The following JOSD2 variants were observed in gnomAD, a reference collection of about 807,000 sequenced individuals.
JOSD2 encodes the protein josephin-2.
JOSD2 carries 20 observed loss-of-function variants against 19.3 expected under a neutral mutation model. The ratio of observed to expected loss-of-function variants is 1.04; its 90% CI spans 0.73 to 1.51. JOSD2 has a LOEUF of 1.51. Among genes scored for constraint, JOSD2 ranks in the 40% most tolerant of loss-of-function variants. The pLI is 0.00. For missense variants in JOSD2, 215 were observed against 250.4 expected (o/e 0.86, Z 0.95); for synonymous variants, 118 against 123.7 (o/e 0.95, Z 0.31).
Position 50,506,418 on chromosome 19 carries a change from G to A in JOSD2, c.427C>T (p.Leu143=), listed in dbSNP as rs778786017. The change falls in exon 4 of 5, where the codon CTG becomes TTG. Residue 143 remains leucine (L), a synonymous_variant. Coordinates refer to ENST00000598418, the MANE Select transcript of JOSD2 (RefSeq NM_001270639.2). ...TCCCCCAGGGCCTCGGGCGCCCGCAGCTTGGAGTCCAGGTTGTAGTAGACA... is the reference window on the plus strand; with the variant it reads ...TCCCCCAGGGCCTCGGGCGCCCGCAACTTGGAGTCCAGGTTGTAGTAGACA... ...DGVYYNLDSK[L]RAPEALGDED... is the part of the protein sequence containing the mutation. 6.2e-7 allele frequency: 1 copy of A among 1,605,622 alleles called. No homozygotes were observed. Among genetic ancestry groups the A allele is most frequent in the Admixed American group, 1.7e-5 (1 of 58,946 alleles).
chr19:50,506,038 G>GAC lies in JOSD2; in HGVS notation c.*134_*135insGT. ...GATTTATTGAGGCAGCAGCGGCAGT[G>GAC]GGGAGCAGGGGTGTGGGGAGGGGGC... On this transcript the variant is annotated 3_prime_UTR_variant, in exon 5 of 5. Transcript: ENST00000598418. The GAC allele has an allele frequency of 1.3e-6, 1 of 746,852 alleles. No individual in the cohort carries two copies. Among genetic ancestry groups the GAC allele is most frequent in the Admixed American group, 3.0e-5 (1 of 33,880 alleles). The allele number at this position is 746,852 out of a possible 1,614,324, so 46.3% of individuals were successfully genotyped here.
rs562369717 is a variant in JOSD2 at position 50,506,585 on chromosome 19, G to C, written c.273-13C>G. 2.6e-5 allele frequency: 39 copies of C among 1,504,132 alleles called. No homozygotes were observed. The African/African-American group carries it at 5.3e-4, about 20-fold the overall frequency. 93.2% of individuals were successfully genotyped at this position (1,504,132 alleles called of 1,614,324 possible). The stretch of plus-strand genomic sequence containing the variant: ...CTGGGACAGGGGCCTGTGTGGGCAG[G>C]GAGGGGACACTGCCATCAGGGCCTG... On this transcript the variant is annotated splice_polypyrimidine_tract_variant and intron_variant, in intron 3 of 4. Coordinates refer to ENST00000598418, the MANE Select transcript of JOSD2 (RefSeq NM_001270639.2).
chr19:50,510,051 C>CAAA (rs139049930), intron 2 of JOSD2: 95 of 232,054 alleles, frequency 4.1e-4, no homozygotes, highest in East Asian at 9.3e-4. Context: ...GACTCAGTCT[C>CAAA]AAAAAAAAAA....
rs553214820 is a variant in JOSD2, at chr19:50,510,178, G to A, written c.146+108C>T. ...GCGTCTAGCTTAGGCAAGTGAGCGCGGAGCAGAAGAAAGCCCCCAAGGCTC... is the reference window on the plus strand; with the variant it reads ...GCGTCTAGCTTAGGCAAGTGAGCGCAGAGCAGAAGAAAGCCCCCAAGGCTC... On this transcript the variant is annotated intron_variant, in intron 2 of 4. Coordinates refer to ENST00000598418, the MANE Select transcript of JOSD2 (RefSeq NM_001270639.2). 115 of 1,347,162 alleles carry A rather than the reference G, an allele frequency of 8.5e-5. No individual in the cohort carries two copies. In the African/African-American group the frequency reaches 1.4e-3, roughly 17 times the overall value. 83.5% of individuals were successfully genotyped at this position (1,347,162 alleles called of 1,614,324 possible). A position where few individuals can be genotyped will look rare whatever the true frequency, so the allele number is the denominator to read the frequency against.
rs1979467298 is a variant in JOSD2, at chr19:50,507,699, C to A, written c.147G>T (p.Arg49Ser). Residue 49 changes from arginine to serine, a missense_variant and splice_region_variant, in exon 3 of 5, where the codon AGG becomes AGT. Arg to Ser is a moderately radical substitution (Grantham distance 110). Coordinates refer to ENST00000598418, the MANE Select transcript of JOSD2 (RefSeq NM_001270639.2). Reference protein sequence around the residue: ...SQEAADEICKRLAPDSRLNPH... With the variant: ...SQEAADEICKSLAPDSRLNPH... ...GGTTCAGCCGGGAGTCTGGGGCCAA[C>A]CTGGTAGTGGGGGTGGCCAGAGCTG... The A allele has an allele frequency of 6.2e-7, 1 of 1,610,110 alleles. No homozygotes were observed.
At position 50,510,477 on chromosome 19, in the gene JOSD2, C is replaced by T. The variant is rs754385982; in HGVS notation, c.-17-29G>A. On this transcript the variant is annotated intron_variant, in intron 1 of 4. Transcript: ENST00000598418. ...GGGGTTGGGAGGGGGAGAAGGTCCT[C>T]AGGGGCCCGGGATCTAGAGGTCCAG... is the stretch of plus-strand genomic sequence containing the variant. 5 of 1,563,728 alleles carry T rather than the reference C, an allele frequency of 3.2e-6. No individual in the cohort carries two copies. In the South Asian group the frequency reaches 3.4e-5, roughly 11 times the overall value.
chr19:50,507,732 G>C (rs1475032489), intron 2 of JOSD2, 33 bp from the exon 3 acceptor site: 2 of 1,594,600 alleles, frequency 1.3e-6, no homozygotes, highest in African/African-American at 1.3e-5. Context: ...CTGAGGTGGG[G>C]ACCCCTGGAA....
chr19:50,506,803 ACCCACCCACCCACCG>A (rs1979387826), intron 3 of JOSD2, among the ~76,000 whole-genome samples: 1 of 20,446 alleles, frequency 4.9e-5, no homozygotes, highest in Non-Finnish European at 1.1e-4. Context: ...CCCACCGTCC[ACCCACCCACCCACCG>A]TCCACCCAAC....
At chr19:50,510,126 A>G (rs1979680405) in intron 2 of JOSD2, 160 bp downstream of exon 2, 2 of 722,368 alleles carry the variant, frequency 2.8e-6, no homozygotes, top group Non-Finnish European at 4.5e-6. Context: ...AGACAGGCAC[A>G]GGAGGCAACA....
intron 2 of JOSD2, 38 bp from the exon 3 acceptor site, chr19:50,507,737 C>T (rs1183644647): frequency 6.3e-7 from 1 of 1,584,726 alleles, no homozygotes; most frequent in East Asian, 2.2e-5. Flanking sequence ...GTGGGGACCC[C>T]TGGAAAGGCC....
chr19:50,507,711 G>C lies in JOSD2; in HGVS notation c.147-12C>G, dbSNP rs1342796157. 1 of 1,608,236 alleles carries C rather than the reference G, an allele frequency of 6.2e-7. No individual in the cohort carries two copies. The highest frequency in any genetic ancestry group is 1.7e-5 in the Admixed American group (1 of 59,610). ...AGTCTGGGGCCAACCTGGTAGTGGG[G>C]GTGGCCAGAGCTGAGGTGGGGACCC... On this transcript the variant is annotated splice_polypyrimidine_tract_variant and intron_variant, in intron 2 of 4. Coordinates refer to ENST00000598418, the MANE Select transcript of JOSD2 (RefSeq NM_001270639.2).
intron 3 of JOSD2, 92 bp from the exon 4 acceptor site, chr19:50,506,664 T>C: frequency 8.2e-7 from 1 of 1,221,546 alleles, no homozygotes; most frequent in Non-Finnish European, 1.1e-6. Context: ...CTGGTGGTGG[T>C]GAGGGCCTCC....
At chr19:50,506,649 C>T in intron 3 of JOSD2, 77 bp from the exon 4 acceptor site, 1 of 1,363,754 alleles carries the variant, frequency 7.3e-7, no homozygotes. Flanking sequence ...CATGTGGGGC[C>T]CAGGCTGGTG....
rs1169569116 is a variant in JOSD2 at position 50,508,703 on chromosome 19, G to C, written c.147-1004C>G. Among the ~76,000 whole-genome samples, 6 of 69,878 alleles carry C rather than the reference G, an allele frequency of 8.6e-5. No homozygotes were observed. The South Asian group carries it at 2.1e-3, about 24-fold the overall frequency. The allele number at this position is 69,878 out of a possible 152,430, so 45.8% of individuals were successfully genotyped here. ...GGACATGGGAGGAAAACGCTCGTGT[G>C]TGTGTGTGTGTGTGTGTGTGTGTGT... On this transcript the variant is annotated intron_variant, in intron 2 of 4. Coordinates refer to ENST00000598418, the MANE Select transcript of JOSD2 (RefSeq NM_001270639.2).
Position 50,506,462 on chromosome 19 carries a change from G to A in JOSD2, c.383C>T (p.Ala128Val), listed in dbSNP as rs1278800517. The change falls in exon 4 of 5, where the codon GCC (alanine) becomes GTC (valine). Residue 128 changes from alanine (A) to valine (V), a missense_variant. Ala to Val is a moderately conservative substitution (Grantham distance 64). Transcript: ENST00000598418. ...SLPLRRRHWVALRQVDGVYYN... is the reference protein window; with the variant it reads ...SLPLRRRHWVVLRQVDGVYYN... ...GTAGACACCGTCCACCTGGCGCAGG[G>A]CCACCCAGTGCCGCCGGCGCAGCGG... 2.5e-6 allele frequency: 4 copies of A among 1,584,002 alleles called. No individual in the cohort carries two copies. Among genetic ancestry groups the A allele is most frequent in the Non-Finnish European group, 3.4e-6 (4 of 1,166,498 alleles).
chr19:50,509,820 G>A (rs1336559837), intron 2 of JOSD2, among the ~76,000 whole-genome samples: 6 of 151,898 alleles, frequency 4.0e-5, no homozygotes, highest in Non-Finnish European at 7.4e-5. Flanking sequence ...TTGGGAGGCC[G>A]AGGCGGGTGG....
At chr19:50,510,552 A>C in intron 1 of JOSD2, 104 bp from the exon 2 acceptor site, 1 of 1,140,252 alleles carries the variant, frequency 8.8e-7, no homozygotes, top group South Asian at 1.5e-5. Context: ...TGGGACTCGG[A>C]GCAGCCCAGG....
At position 50,510,301 on chromosome 19, in the gene JOSD2, T is replaced by C. The variant is rs1418048929; in HGVS notation, c.131A>G (p.Asp44Gly). The change falls in exon 2 of 5, where the codon GAT (aspartate) becomes GGT (glycine). Residue 44 changes from aspartate (D) to glycine (G), a missense_variant. Asp to Gly is a moderately conservative substitution (Grantham distance 94, BLOSUM62 -1). Transcript: ENST00000598418. ...QQQLFSQEAA[D>G]EICKRLAPDS... is the part of the protein sequence containing the mutation. ...TGACGGTCACCTCTTGCAGATCTCA[T>C]CGGCAGCCTCCTGGCTAAAGAGCTG... The C allele has an allele frequency of 6.2e-7, 1 of 1,613,396 alleles. No homozygotes were observed. Among genetic ancestry groups the C allele is most frequent in the Middle Eastern group, 1.7e-4 (1 of 6,058 alleles).
rs372924290 is a variant in JOSD2 at position 50,506,474 on chromosome 19, C to T, written c.371G>A (p.Arg124Gln). 20 of 1,577,604 alleles carry T rather than the reference C, an allele frequency of 1.3e-5. No individual in the cohort carries two copies. Among genetic ancestry groups the T allele is most frequent in the South Asian group, 4.6e-5 (4 of 86,608 alleles). The change falls in exon 4 of 5, where the codon CGG becomes CAG. Residue 124 changes from arginine (R) to glutamine (Q), a missense_variant. Coordinates refer to ENST00000598418, the MANE Select transcript of JOSD2 (RefSeq NM_001270639.2). ...CACCTGGCGCAGGGCCACCCAGTGC[C>T]GCCGGCGCAGCGGCAGTGACAGCAG... Reference protein sequence around the residue: ...LGLLSLPLRRRHWVALRQVDG... With the variant: ...LGLLSLPLRRQHWVALRQVDG...
Sources: allele counts gnomAD v4.1 joint callset (sites outside exome capture counted in the v4.1 genomes callset), GRCh38; gene constraint gnomAD v4.1.1; transcripts MANE v1.5; gene names NCBI Gene and HGNC (gene_info 2026-07-23, HGNC 2026-07-21).